Variants in STAT5B observed in about 807,000 individuals in gnomAD.
The protein encoded by STAT5B is signal transducer and activator of transcription 5B.
STAT5B carries 21 observed loss-of-function variants against 107.8 expected under a neutral mutation model. The ratio of observed to expected loss-of-function variants is 0.19; its 90% CI spans 0.14 to 0.28. STAT5B has a LOEUF of 0.28. Among genes scored for constraint, STAT5B ranks in the 10% least tolerant of loss-of-function variants. STAT5B has a pLI of 1.00. For synonymous variants in STAT5B, 325 were observed against 401.7 expected (o/e 0.81, Z 2.28); for missense variants, 565 against 1,008.2 (o/e 0.56, Z 5.95).
At chr17:42,248,492 T>C (rs1227145848) in intron 1 of STAT5B, among the ~76,000 whole-genome samples, 2 of 152,134 alleles carry the variant, frequency 1.3e-5, no homozygotes, top group Non-Finnish European at 2.9e-5. Flanking sequence ...ACAGCACTCA[T>C]AGTGGGAGTA....
chr17:42,202,347 G>A lies in STAT5B; in HGVS notation c.2230C>T (p.Pro744Ser). The A allele has an allele frequency of 6.2e-7, 1 of 1,614,210 alleles. No individual in the cohort carries two copies. Among genetic ancestry groups the A allele is most frequent in the African/African-American group, 1.3e-5 (1 of 75,054 alleles). ...CACAAGAATGCCACCTACTTCTGTG[G>A]GTACATGTTATAGTGAGCCTGGGGA... ...VCPQAHYNMY[P>S]QNPDSVLDTD... Residue 744 changes from proline (P) to serine (S), a missense_variant, in exon 18 of 19, where the codon CCA (proline) becomes TCA (serine). Coordinates refer to ENST00000293328, the MANE Select transcript of STAT5B (RefSeq NM_012448.4).
rs545627372 is a variant in STAT5B, at chr17:42,219,878, C to G, written c.551-36G>C. 5 of 1,613,974 alleles carry G rather than the reference C, an allele frequency of 3.1e-6. No individual in the cohort carries two copies. In the South Asian group the frequency reaches 5.5e-5, roughly 18 times the overall value. ...GGAGAGGAAACCATGACCATCACCT[C>G]CCAGTGTCCAACAGGAGGCCCAGAG... On this transcript the variant is annotated intron_variant, in intron 5 of 18. Transcript: ENST00000293328.
chr17:42,282,266 A>G, the STAT5B span, among the ~76,000 whole-genome samples: 1 of 152,174 alleles, frequency 6.6e-6, no homozygotes, highest in East Asian at 1.9e-4. Flanking sequence ...GGCAGAGGAA[A>G]AAACACCCAG....
At chr17:42,217,907 T>C (rs1033362663) in intron 9 of STAT5B, 3 of 570,250 alleles carry the variant, frequency 5.3e-6, no homozygotes, top group Middle Eastern at 5.0e-4. Flanking sequence ...GGTTTCACCA[T>C]GTTGGCCAGG....
chr17:42,276,462 G>C (rs1194946852), upstream of STAT5B: 1 of 148,392 alleles, frequency 6.7e-6, no homozygotes, highest in South Asian at 2.1e-4. This position sits in a 1 kb window ranked among gnomAD's most constrained non-coding sequence, Gnocchi z 4.8. Context: ...GACGCGCGCC[G>C]CTGGCAACCC....
At chr17:42,216,222 C>T (rs769562593) in intron 11 of STAT5B, 116 bp from the exon 12 acceptor site, 49 of 880,746 alleles carry the variant, frequency 5.6e-5, no homozygotes, top group Non-Finnish European at 8.5e-5. Context: ...AGTTAATGTT[C>T]CTCTCAGACA....
chr17:42,201,356 C>T lies in STAT5B; in HGVS notation c.*382G>A, dbSNP rs1431828428. 4 of 571,238 alleles carry T rather than the reference C, an allele frequency of 7.0e-6. No homozygotes were observed. 35.4% of individuals were successfully genotyped at this position (571,238 alleles called of 1,614,324 possible). On this transcript the variant is annotated 3_prime_UTR_variant, in exon 19 of 19. Transcript: ENST00000293328. ...TGTCCTTCTCTTATTCAAACAGCCA[C>T]ATGTCAAAGTCCAGCCACTCTTAAG...
chr17:42,203,949 G>A (rs1466085338), intron 16 of STAT5B, among the ~76,000 whole-genome samples: 1 of 151,934 alleles, frequency 6.6e-6, no homozygotes, highest in African/African-American at 2.4e-5. Flanking sequence ...TTTCAAGCAG[G>A]AGGTGCATAC....
upstream of STAT5B, among the ~76,000 whole-genome samples, chr17:42,281,027 C>G (rs566306173): frequency 6.6e-6 from 1 of 151,376 alleles, no homozygotes; most frequent in African/African-American, 2.4e-5. Context: ...CCAGCTACTC[C>G]GGAGGCTGAG....
At chr17:42,278,992 AT>A (rs201307318), upstream of STAT5B, among the ~76,000 whole-genome samples, 3,269 of 151,570 alleles carry the variant, frequency 0.022, 103 homozygotes, top group African/African-American at 0.075. Context: ...AAAAAAAAAA[AT>A]ATTTGTAAAG....
At chr17:42,248,385 A>C (rs1049419806) in intron 1 of STAT5B, among the ~76,000 whole-genome samples, 20 of 152,292 alleles carry the variant, frequency 1.3e-4, no homozygotes, top group Middle Eastern at 6.8e-3. Context: ...GAAAAAAAAA[A>C]AACAACAACG....
chr17:42,283,934 G>A, the STAT5B span, among the ~76,000 whole-genome samples: 1 of 152,058 alleles, frequency 6.6e-6, no homozygotes, highest in Non-Finnish European at 1.5e-5. Flanking sequence ...GAGGCAAGGT[G>A]GGGGTGAAAC....
At chr17:42,287,854 C>G in the STAT5B span, 1 of 152,210 alleles carries the variant, frequency 6.6e-6, no homozygotes, top group Non-Finnish European at 1.5e-5. Context: ...GTTCCTCCGT[C>G]AGGGTTGAGT....
At chr17:42,207,758 TA>T in intron 15 of STAT5B, 30 bp from the exon 16 acceptor site, 1 of 1,612,460 alleles carries the variant, frequency 6.2e-7, no homozygotes, top group Non-Finnish European at 8.5e-7. Flanking sequence ...AATCACATTC[TA>T]AACATGATTT....
intron 15 of STAT5B, among the ~76,000 whole-genome samples, chr17:42,209,459 C>T (rs2080111806): frequency 6.6e-6 from 1 of 152,200 alleles, no homozygotes; most frequent in Admixed American, 6.5e-5. Context: ...GGTGCAGTGG[C>T]TCAAGCCCGT....
intron 1 of STAT5B, among the ~76,000 whole-genome samples, chr17:42,256,482 C>T (rs2080545758): frequency 6.6e-6 from 1 of 152,170 alleles, no homozygotes; most frequent in Non-Finnish European, 1.5e-5. Context: ...AAGGGGAATA[C>T]AATAGTCTTT....
intron 1 of STAT5B, among the ~76,000 whole-genome samples, chr17:42,261,062 C>A (rs1337607125): frequency 1.3e-5 from 2 of 151,826 alleles, no homozygotes; most frequent in Non-Finnish European, 2.9e-5. Flanking sequence ...ACATGTGCCA[C>A]CACGCCCGGC....
At chr17:42,279,294 A>T (rs966914525), upstream of STAT5B, among the ~76,000 whole-genome samples, 2 of 152,110 alleles carry the variant, frequency 1.3e-5, no homozygotes, top group African/African-American at 2.4e-5. Context: ...TAATGTGGTG[A>T]TAGAGACAGT....
chr17:42,254,819 G>A (rs897223517), intron 1 of STAT5B, among the ~76,000 whole-genome samples: 7 of 152,176 alleles, frequency 4.6e-5, no homozygotes, highest in Non-Finnish European at 7.3e-5. Context: ...GAAGGTCGGT[G>A]CGGTGGCTCA....
Sources: allele counts gnomAD v4.1 joint callset (sites outside exome capture counted in the v4.1 genomes callset), GRCh38; gene constraint gnomAD v4.1.1; non-coding constraint Gnocchi (gnomAD v3.1); transcripts MANE v1.5; gene names NCBI Gene and HGNC (gene_info 2026-07-23, HGNC 2026-07-21).